TENM3: variants seen among roughly 807,000 people sequenced by gnomAD.
The protein encoded by TENM3 is teneurin transmembrane protein 3, also known as teneurin-3.
Under a neutral mutation model 255.1 loss-of-function variants are expected in TENM3, and 63 were observed. The observed-to-expected ratio is 0.25, with a 90% CI of 0.20 to 0.30. The LOEUF (loss-of-function observed/expected upper bound fraction) is 0.30, where lower values mean the gene tolerates loss of function less well. TENM3 is among the 10% of genes least tolerant of loss of function. The pLI, the probability that TENM3 is intolerant of heterozygous loss-of-function variation, is 1.00. For missense variants in TENM3, 2,929 were observed against 3,461.1 expected, an observed-to-expected ratio of 0.85 and a Z score of 3.86; for synonymous variants, 1,306 against 1,322.3, an observed-to-expected ratio of 0.99 and a Z score of 0.27.
chr4:181,880,704 C>T, the TENM3 span, among the ~76,000 whole-genome samples: 1 of 152,150 alleles, frequency 6.6e-6, no homozygotes, highest in Non-Finnish European at 1.5e-5. Flanking sequence ...AGCTCTAACT[C>T]CTACCCTTTG....
chr4:181,907,525 G>T, the TENM3 span, among the ~76,000 whole-genome samples: 3 of 152,202 alleles, frequency 2.0e-5, no homozygotes, highest in African/African-American at 7.2e-5. Flanking sequence ...CACAGACACC[G>T]TGGTTGTAAA....
At chr4:182,333,149 A>T (rs1263640828) in intron 2 of TENM3, among the ~76,000 whole-genome samples, 1 of 152,210 alleles carries the variant, frequency 6.6e-6, no homozygotes, top group Non-Finnish European at 1.5e-5. Context: ...TTTAATGTTT[A>T]AAAATCTATT....
chr4:182,507,719 C>G (rs1338441437), intron 3 of TENM3, among the ~76,000 whole-genome samples: 1 of 152,158 alleles, frequency 6.6e-6, no homozygotes, highest in Non-Finnish European at 1.5e-5. Context: ...ATCTGGAAGT[C>G]TTCCACTTTT....
rs567907214 is a variant in TENM3 at position 182,517,634 on chromosome 4, C to T, written c.512-83290C>T. ...TCCTGACCTCGTGATCCGCCCGCCT[C>T]GGCCTCCCAAAGTGCTGGGATTACA... On this transcript the variant is annotated intron_variant, in intron 3 of 27. Transcript: ENST00000511685. Among the ~76,000 whole-genome samples the T allele has an allele frequency of 5.0e-4, 76 of 151,414 alleles. 3 individuals are homozygous for T. Among genetic ancestry groups the T allele is most frequent in the Middle Eastern group, 3.4e-3 (1 of 292 alleles).
the TENM3 span, among the ~76,000 whole-genome samples, chr4:182,004,003 CA>C: frequency 6.6e-6 from 1 of 151,886 alleles, no homozygotes; most frequent in South Asian, 2.1e-4. Context: ...GAAAAACATT[CA>C]TTTTTGTAAG....
At chr4:182,523,740 T>C (rs1738821050) in intron 3 of TENM3, among the ~76,000 whole-genome samples, 1 of 152,180 alleles carries the variant, frequency 6.6e-6, no homozygotes, top group South Asian at 2.1e-4. Flanking sequence ...TTGAAGATTT[T>C]CTACATATAT....
chr4:181,455,624 G>C, the TENM3 span, among the ~76,000 whole-genome samples: 2 of 151,886 alleles, frequency 1.3e-5, no homozygotes, highest in African/African-American at 2.4e-5. Context: ...AAGATTATCT[G>C]GTTGCTTGTA....
rs181990880 is a variant in TENM3 at position 182,211,015 on chromosome 4, G to A, written c.-76+66261G>A. Among the ~76,000 whole-genome samples, 4 of 152,172 alleles carry A rather than the reference G, an allele frequency of 2.6e-5. No individual in the cohort carries two copies. In the South Asian group the frequency reaches 6.2e-4, roughly 24 times the overall value. ...GAGTGATGTGTGGACTGGACAAACCGAGGCCAACAGGGGCCCTACCCTTGT... is the reference window on the plus strand; with the variant it reads ...GAGTGATGTGTGGACTGGACAAACCAAGGCCAACAGGGGCCCTACCCTTGT... On this transcript the variant is annotated intron_variant, in intron 1 of 2. Coordinates refer to the TENM3 transcript ENST00000512480.
chr4:181,618,384 C>T, the TENM3 span, among the ~76,000 whole-genome samples: 1 of 152,174 alleles, frequency 6.6e-6, no homozygotes, highest in Admixed American at 6.6e-5. Flanking sequence ...TATATCCATC[C>T]CATTGCTCGA....
chr4:181,921,163 A>G, the TENM3 span, among the ~76,000 whole-genome samples: 402 of 152,232 alleles, frequency 2.6e-3, 1 homozygote, highest in African/African-American at 9.0e-3. Flanking sequence ...GAAGTCAGGT[A>G]GCGTGATGCC....
the TENM3 span, among the ~76,000 whole-genome samples, chr4:181,677,931 C>T: frequency 2.6e-5 from 4 of 152,214 alleles, no homozygotes; most frequent in Non-Finnish European, 4.4e-5. Context: ...TTTCCTTTCG[C>T]CAGAAAACAT....
At chr4:182,001,000 T>TC in the TENM3 span, among the ~76,000 whole-genome samples, 1 of 68,516 alleles carries the variant, frequency 1.5e-5, no homozygotes, top group East Asian at 4.3e-4. Context: ...CAGTTTTCTT[T>TC]CCTTTTTTTT....
chr4:182,670,968 G>A (rs773693586), intron 6 of TENM3, among the ~76,000 whole-genome samples: 4 of 152,056 alleles, frequency 2.6e-5, no homozygotes, highest in Non-Finnish European at 4.4e-5. Context: ...CAGGGAAAAG[G>A]GTGTAATAAC....
intron 3 of TENM3, among the ~76,000 whole-genome samples, chr4:182,373,019 C>T (rs1480424970): frequency 6.6e-6 from 1 of 152,094 alleles, no homozygotes; most frequent in African/African-American, 2.4e-5. Flanking sequence ...AGATTACAGG[C>T]GTGAGCCACC....
At position 182,161,890 on chromosome 4, in the gene TENM3, T is replaced by TATGTGTATATATATACACAC. The variant is rs1424001941; in HGVS notation, c.-76+17138_-76+17139insGTGTATATATATACACACAT. On this transcript the variant is annotated intron_variant, in intron 1 of 2. Coordinates refer to the TENM3 transcript ENST00000512480. ...ATATATGTGTATATATATACACACATATATGTGTATATATACACACACATG... is the reference window on the plus strand; with the variant it reads ...ATATATGTGTATATATATACACACATATGTGTATATATATACACACATATGTGTATATATACACACACATG... 1.2e-4 allele frequency among the ~76,000 whole-genome samples: 5 copies of TATGTGTATATATATACACAC among 40,620 alleles called. 2 individuals carry two copies. Among genetic ancestry groups the TATGTGTATATATATACACAC allele is most frequent in the African/African-American group, 3.2e-4 (5 of 15,668 alleles). 26.6% of individuals were successfully genotyped at this position (40,620 alleles called of 152,430 possible).
the TENM3 span, among the ~76,000 whole-genome samples, chr4:182,066,093 C>T: frequency 5.3e-3 from 803 of 152,114 alleles, 4 homozygotes; most frequent in African/African-American, 0.018. Context: ...TTCACAGCAA[C>T]TAGTTTTACG....
In TENM3 at chr4:182,795,312, T is replaced by C. The variant is rs1038991931; in HGVS notation, c.7214-1325T>C. 2.6e-5 allele frequency among the ~76,000 whole-genome samples: 4 copies of C among 152,218 alleles called. No individual in the cohort carries two copies. In the East Asian group the frequency reaches 7.7e-4, roughly 29 times the overall value. ...TACGGTCCTCTGATTTTCACTGTTA[T>C]GCAGACATTGTTCAGAGTAACAGAA... is the stretch of plus-strand genomic sequence containing the variant. On this transcript the variant is annotated intron_variant, in intron 26 of 27. Transcript: ENST00000511685.
At chr4:182,390,275 A>G (rs1216829300) in intron 3 of TENM3, among the ~76,000 whole-genome samples, 1 of 152,234 alleles carries the variant, frequency 6.6e-6, no homozygotes, top group African/African-American at 2.4e-5. Context: ...AAAGGAGAGC[A>G]GCTTAATAAT....
At chr4:182,552,356 C>T (rs1412920225) in intron 3 of TENM3, among the ~76,000 whole-genome samples, 4 of 152,192 alleles carry the variant, frequency 2.6e-5, no homozygotes, top group Admixed American at 2.6e-4. Flanking sequence ...ATTGTCAACC[C>T]ATTAATTCTT....
Sources: gnomAD v4.1 joint callset for allele counts (sites outside exome capture counted in the v4.1 genomes callset) on GRCh38, gnomAD v4.1.1 for gene constraint, MANE v1.5 for transcripts, NCBI Gene and HGNC (gene_info 2026-07-23, HGNC 2026-07-21) for gene names.